KMT2D: variants seen among roughly 807,000 people sequenced by gnomAD.
KMT2D encodes the protein lysine methyltransferase 2D.
KMT2D carries 55 observed loss-of-function variants against 512.7 expected under a neutral mutation model. The observed-to-expected ratio is 0.11, with a 90% confidence interval of 0.09 to 0.13. The LOEUF (loss-of-function observed/expected upper bound fraction) is 0.13, where lower values mean the gene tolerates loss of function less well. KMT2D is among the 10% of genes least tolerant of loss of function. The pLI, the probability that KMT2D is intolerant of heterozygous loss-of-function variation, is 1.00. For missense variants in KMT2D, 6,061 were observed against 7,127.9 expected, an observed-to-expected ratio of 0.85 and a Z score of 5.39; for synonymous variants, 2,995 against 2,904.0, an observed-to-expected ratio of 1.03 and a Z score of -1.01.
rs764188952 is a variant in KMT2D at position 49,022,559 on chromosome 12, GCAC to G, written c.16338+28_16338+30del. The G allele has an allele frequency of 1.7e-5, 28 of 1,603,360 alleles. No homozygotes were observed. In the African/African-American group the frequency reaches 3.3e-4, roughly 19 times the overall value. On this transcript the variant is annotated intron_variant, in intron 52 of 54. Coordinates refer to ENST00000301067, the MANE Select transcript of KMT2D (RefSeq NM_003482.4). The surrounding 1 kb of genome is among the most constrained non-coding windows in gnomAD (Gnocchi z 8.6). ...TGCTCCTTGGTTGAGTGCAGACTATGCACCACAATGGCCCCTCTGCCAGCTCAT... is the reference window on the plus strand; with the variant it reads ...TGCTCCTTGGTTGAGTGCAGACTATGCACAATGGCCCCTCTGCCAGCTCAT...
chr12:49,036,228 A>G lies in KMT2D; in HGVS notation c.10231+897T>C, dbSNP rs116292081. Reference sequence around the variant, plus strand: ...CACTCGAAACAGTTTACTCCAGCCTAACCAATTCACTCACTGTTCTTGAAA... The same window carrying G: ...CACTCGAAACAGTTTACTCCAGCCTGACCAATTCACTCACTGTTCTTGAAA... On this transcript the variant is annotated intron_variant, in intron 35 of 54. Transcript: ENST00000301067. 2.2e-3 allele frequency among the ~76,000 whole-genome samples: 336 copies of G among 152,286 alleles called. 1 individual carries two copies. The highest frequency in any genetic ancestry group is 7.7e-3 in the African/African-American group (320 of 41,550).
In KMT2D at chr12:49,032,760, C is replaced by T. The variant is rs760983900; in HGVS notation, c.11945G>A (p.Arg3982Gln). ...TTGTTGCTGAGGAGACAGTAAAGTT[C>T]GACTCTGGTTTAAAAGGCCCATCTG... Reference protein sequence around the residue: ...QQQMGLLNQSRTLLSPQQQQQ... With the variant: ...QQQMGLLNQSQTLLSPQQQQQ... Residue 3982 changes from arginine (R) to glutamine (Q), a missense_variant, in exon 40 of 55, where the codon CGA (arginine) becomes CAA (glutamine). Around this residue, in one of 16 missense-constraint regions of KMT2D, gnomAD observed 1,600 missense variants for 1,754.9 expected, o/e 0.91. Transcript: ENST00000301067. 10 of 1,574,014 alleles carry T rather than the reference C, an allele frequency of 6.4e-6. No individual in the cohort carries two copies. The East Asian group carries it at 1.4e-4, about 22-fold the overall frequency.
rs2120702571 is a variant in KMT2D, at chr12:49,053,968, G to C, written c.673+10C>G. The C allele has an allele frequency of 6.2e-7, 1 of 1,612,518 alleles. No individual in the cohort carries two copies. Among genetic ancestry groups the C allele is most frequent in the Non-Finnish European group, 8.5e-7 (1 of 1,178,984 alleles). On this transcript the variant is annotated intron_variant, in intron 6 of 54. Coordinates refer to ENST00000301067, the MANE Select transcript of KMT2D (RefSeq NM_003482.4). ...CATTTGCCCTATGACCAAAGATCAG[G>C]ACTTCTCACCCAGATATGCAGCCCC...
At position 49,033,568 on chromosome 12, in the gene KMT2D, A is replaced by T; in HGVS notation, c.11137T>A (p.Ser3713Thr). 2 of 1,613,504 alleles carry T rather than the reference A, an allele frequency of 1.2e-6. No homozygotes were observed. The highest frequency in any genetic ancestry group is 1.7e-6 in the Non-Finnish European group (2 of 1,179,792). ...NLALRSLGPD[S>T]RLLQERQLQL... is the part of the protein sequence containing the mutation. ...AGCTGCCTTTCCTGTAAAAGCCTTG[A>T]ATCAGGTCCGAGGCTTCGAAGAGCA... The change falls in exon 40 of 55, where the codon TCA (serine) becomes ACA (threonine). Residue 3713 changes from serine to threonine, a missense_variant. Coordinates refer to ENST00000301067, the MANE Select transcript of KMT2D (RefSeq NM_003482.4).
Position 49,042,102 on chromosome 12 carries a change from C to T in KMT2D, c.6096G>A (p.Lys2032=). 1 of 1,613,804 alleles carries T rather than the reference C, an allele frequency of 6.2e-7. No homozygotes were observed. Among genetic ancestry groups the T allele is most frequent in the Non-Finnish European group, 8.5e-7 (1 of 1,179,788 alleles). ...TCCCACAGGTACCTGGGTAGTCTTGCTTGAGATTAGGAAAATTAATGTTGG... is the reference window on the plus strand; with the variant it reads ...TCCCACAGGTACCTGGGTAGTCTTGTTTGAGATTAGGAAAATTAATGTTGG... ...LYANINFPNL[K]QDYPDWSSRC... The change falls in exon 29 of 55, where the codon AAG becomes AAA. Residue 2032 remains lysine (K), a synonymous_variant. Transcript: ENST00000301067. This position sits in a 1 kb window ranked among gnomAD's most constrained non-coding sequence, Gnocchi z 4.4.
rs2120649640 is a variant in KMT2D, at chr12:49,050,381, C to T, written c.3207G>A (p.Glu1069=). The T allele has an allele frequency of 6.2e-7, 1 of 1,613,144 alleles. No individual in the cohort carries two copies. Among genetic ancestry groups the T allele is most frequent in the African/African-American group, 1.3e-5 (1 of 75,050 alleles). ...GKVVGVSDEA[E]LHEMETEKVS... The stretch of plus-strand genomic sequence containing the variant: ...CTTTCTCAGTCTCCATCTCGTGCAG[C>T]TCAGCCTCATCTGAGACCCCCACTA... The change falls in exon 12 of 55, where the codon GAG becomes GAA. Residue 1069 remains glutamate, a synonymous_variant. Transcript: ENST00000301067.
Position 49,034,836 on chromosome 12 carries a change from A to G in KMT2D, c.10331T>C (p.Ile3444Thr), listed in dbSNP as rs1943138044. The change falls in exon 36 of 55, where the codon ATT becomes ACT. Residue 3444 changes from isoleucine to threonine, a missense_variant. By Grantham distance (89) the Ile-to-Thr change is moderately conservative. This residue lies in a region of KMT2D where 533 missense variants were observed against 539.6 expected (regional missense o/e 0.99). Coordinates refer to ENST00000301067, the MANE Select transcript of KMT2D (RefSeq NM_003482.4). ...GIKKVMAQGS[I>T]GVAPGMNRQQ... is the part of the protein sequence containing the mutation. ...CCTGTTCATACCAGGTGCCACCCCA[A>G]TGCTGCCCTGAGCCATCACTTTCTT... 2.5e-6 allele frequency: 4 copies of G among 1,613,998 alleles called. No individual in the cohort carries two copies. The highest frequency in any genetic ancestry group is 2.2e-5 in the South Asian group (2 of 91,082).
rs1281375289 is a variant in KMT2D, at chr12:49,033,328, G to C, written c.11377C>G (p.Gln3793Glu). ...QGLLVQQLSP[Q>E]PPQGPQGMLG... Reference sequence around the variant, plus strand: ...ATGCCCTGGGGCCCCTGGGGTGGTTGAGGGGACAGCTGCTGGACCAGGAGG... The same window carrying C: ...ATGCCCTGGGGCCCCTGGGGTGGTTCAGGGGACAGCTGCTGGACCAGGAGG... Residue 3793 changes from glutamine to glutamate, a missense_variant, in exon 40 of 55, where the codon CAA becomes GAA. Around this residue, in one of 16 missense-constraint regions of KMT2D, gnomAD observed 1,600 missense variants for 1,754.9 expected, o/e 0.91. Transcript: ENST00000301067. The C allele has an allele frequency of 6.3e-7, 1 of 1,594,248 alleles. No individual in the cohort carries two copies. The highest frequency in any genetic ancestry group is 1.3e-5 in the African/African-American group (1 of 74,620).
rs760133332 is a variant in KMT2D, at chr12:49,034,633, C to T, written c.10389G>A (p.Ser3463=). The stretch of plus-strand genomic sequence containing the variant: ...TCTGCAGATCACTGCTAGGTCCCCC[C>T]GAGAGCCTCTGGGCTAGCAGAGACA... ...QQVSLLAQRL[S]GGPSSDLQNH... Residue 3463 remains serine, a synonymous_variant, in exon 37 of 55, where the codon TCG becomes TCA. Coordinates refer to ENST00000301067, the MANE Select transcript of KMT2D (RefSeq NM_003482.4). 55 of 1,613,460 alleles carry T rather than the reference C, an allele frequency of 3.4e-5. No homozygotes were observed. Among genetic ancestry groups the T allele is most frequent in the Admixed American group, 2.5e-4 (15 of 59,934 alleles).
Position 49,032,736 on chromosome 12 carries a change from T to A in KMT2D, c.11969A>T (p.Gln3990Leu). The part of the protein sequence containing the change: ...QSRTLLSPQQ[Q>L]QQQQVALGPG... ...GCCAAGTGCCACTTGCTGCTGCTGT[T>A]GTTGCTGAGGAGACAGTAAAGTTCG... Residue 3990 changes from glutamine to leucine, a missense_variant, in exon 40 of 55, where the codon CAA (glutamine) becomes CTA (leucine). Physicochemically the swap from Gln to Leu is moderately radical, Grantham distance 113 (BLOSUM62 -2). Transcript: ENST00000301067. 6.2e-7 allele frequency: 1 copy of A among 1,600,098 alleles called. No homozygotes were observed. Among genetic ancestry groups the A allele is most frequent in the Non-Finnish European group, 8.5e-7 (1 of 1,173,012 alleles).
rs2120564997 is a variant in KMT2D at position 49,043,203 on chromosome 12, A to G, written c.5534-17T>C. 6.2e-7 allele frequency: 1 copy of G among 1,608,772 alleles called. No individual in the cohort carries two copies. The highest frequency in any genetic ancestry group is 8.5e-7 in the Non-Finnish European group (1 of 1,175,204). On this transcript the variant is annotated splice_polypyrimidine_tract_variant and intron_variant, in intron 25 of 54. Transcript: ENST00000301067. ...CCTCAGGTCCTGTAAATGCCAGGAG[A>G]AACCCATGGGTCAAGGCCAGGATGG...
chr12:49,048,654 G>C lies in KMT2D; in HGVS notation c.4131+5C>G, dbSNP rs2120624357. 6.3e-7 allele frequency: 1 copy of C among 1,581,546 alleles called. No homozygotes were observed. The highest frequency in any genetic ancestry group is 1.1e-5 in the South Asian group (1 of 90,372). On this transcript the variant is annotated splice_donor_5th_base_variant and intron_variant, in intron 14 of 54. Transcript: ENST00000301067. ...TTCAGTGTGCCAGGTCTCACTGTAT[G>C]GTACCTGCATTAGGACAAATTTGTC...
rs1205684726 is a variant in KMT2D, at chr12:49,040,968, C to T, written c.6802G>A (p.Ala2268Thr). Residue 2268 changes from alanine (A) to threonine (T), a missense_variant, in exon 32 of 55, where the codon GCT becomes ACT. By Grantham distance (58) the Ala-to-Thr change is moderately conservative. Around this residue, in one of 16 missense-constraint regions of KMT2D, gnomAD observed 710 missense variants for 647.3 expected, o/e 1.10. Transcript: ENST00000301067. ...PESPGVGGGK[A>T]SEPLLSPPPF... ...GGGGGCGAGAGCAGGGGCTCGGAAG[C>T]TTTGCCTCCCCCTACCCCAGGGCTC... The T allele has an allele frequency of 6.2e-7, 1 of 1,609,756 alleles. No individual in the cohort carries two copies. Among genetic ancestry groups the T allele is most frequent in the East Asian group, 2.2e-5 (1 of 44,816 alleles).
chr12:49,031,010 C>G lies in KMT2D; in HGVS notation c.13554G>C (p.Leu4518Phe). Residue 4518 changes from leucine (L) to phenylalanine (F), a missense_variant, in exon 41 of 55, where the codon TTG (leucine) becomes TTC (phenylalanine). Leu to Phe is a conservative substitution (Grantham distance 22). Transcript: ENST00000301067. ...TCTGTACCCGCTTGGGCTTCGGTGT[C>G]AAAGGCTTCCTTGCTGCTGCATCCT... ...NKEDAAARKP[L>F]TPKPKRVQKA... 6.2e-7 allele frequency: 1 copy of G among 1,613,886 alleles called. No homozygotes were observed. Among genetic ancestry groups the G allele is most frequent in the Non-Finnish European group, 8.5e-7 (1 of 1,179,864 alleles).
intron 13 of KMT2D, 93 bp from the exon 14 acceptor site, chr12:49,048,862 C>G (rs1281302409): frequency 2.2e-6 from 2 of 890,268 alleles, no homozygotes; most frequent in Non-Finnish European, 3.6e-6. Flanking sequence ...AAGTGTGAAC[C>G]CTTGGTTAAG....
Position 49,039,118 on chromosome 12 carries a change from G to A in KMT2D, c.8366+104C>T, listed in dbSNP as rs1241148554. On this transcript the variant is annotated intron_variant, in intron 34 of 54. Coordinates refer to ENST00000301067, the MANE Select transcript of KMT2D (RefSeq NM_003482.4). This position sits in a 1 kb window ranked among gnomAD's most constrained non-coding sequence, Gnocchi z 5.0. ...AAAGGAATGAGGAAGAAGAGAAAGTGATACTGGAAAAGGATTAGTGATACA... is the reference window on the plus strand; with the variant it reads ...AAAGGAATGAGGAAGAAGAGAAAGTAATACTGGAAAAGGATTAGTGATACA... 2.6e-6 allele frequency: 4 copies of A among 1,536,028 alleles called. No individual in the cohort carries two copies. Among genetic ancestry groups the A allele is most frequent in the African/African-American group, 2.7e-5 (2 of 72,892 alleles).
Position 49,041,326 on chromosome 12 carries a change from G to A in KMT2D, c.6444C>T (p.Gly2148=). 6.5e-7 allele frequency: 1 copy of A among 1,538,224 alleles called. No homozygotes were observed. Among genetic ancestry groups the A allele is most frequent in the Non-Finnish European group, 8.7e-7 (1 of 1,144,070 alleles). The part of the protein sequence containing the change: ...SADGFLKPPA[G]SVPGPDSPGE... ...CAGGCGAGTCAGGGCCAGGCACCGA[G>A]CCCGCCGGCGGCTTCAGGAACCCGT... The change falls in exon 32 of 55, where the codon GGC becomes GGT. Residue 2148 remains glycine, a synonymous_variant. Transcript: ENST00000301067. The surrounding 1 kb of genome is among the most constrained non-coding windows in gnomAD (Gnocchi z 5.4).
In KMT2D at chr12:49,032,876, CTGT is replaced by C. The variant is rs1413843050; in HGVS notation, c.11826_11828del (p.Gln3947del). 8.4e-6 allele frequency: 13 copies of C among 1,549,912 alleles called. No individual in the cohort carries two copies. Among genetic ancestry groups the C allele is most frequent in the African/African-American group, 2.7e-5 (2 of 73,086 alleles). Reference sequence around the variant, plus strand: ...GCTGCTGTTGAAGCTGTTGCTGCTGCTGTTGTTGAAGCTGCTGCTGCTGTTGCT... The same window carrying C: ...GCTGCTGTTGAAGCTGTTGCTGCTGCTGTTGAAGCTGCTGCTGCTGTTGCT... On this transcript the variant is annotated inframe_deletion, in exon 40 of 55. Coordinates refer to ENST00000301067, the MANE Select transcript of KMT2D (RefSeq NM_003482.4).
chr12:49,055,047 C>T (rs2120716631), intron 2 of KMT2D, 21 bp from the exon 3 acceptor site: 2 of 1,612,596 alleles, frequency 1.2e-6, no homozygotes, highest in East Asian at 2.2e-5. Flanking sequence ...AGACAAACAG[C>T]ATGTGTCAGC....
Sources: allele counts gnomAD v4.1 joint callset (sites outside exome capture counted in the v4.1 genomes callset), GRCh38; gene constraint gnomAD v4.1.1; regional missense constraint gnomAD v4.1.1; non-coding constraint Gnocchi (gnomAD v3.1); transcripts MANE v1.5; gene names NCBI Gene and HGNC (gene_info 2026-07-23, HGNC 2026-07-21).